Variants in CNTNAP2 observed in about 807,000 individuals in gnomAD.
CNTNAP2 encodes contactin associated protein 2.
In CNTNAP2, 98 loss-of-function variants were observed where a neutral mutation model predicts 155.2. The observed-to-expected ratio is 0.63, with a 90% CI of 0.54 to 0.75. The LOEUF (loss-of-function observed/expected upper bound fraction) is 0.75, where lower values mean the gene tolerates loss of function less well. Among genes scored for constraint, CNTNAP2 ranks in the 30% least tolerant of loss-of-function variants. The pLI is 0.00. For synonymous variants in CNTNAP2, 651 were observed against 631.2 expected (o/e 1.03, Z -0.47); for missense variants, 1,727 against 1,688.1 (o/e 1.02, Z -0.40).
intron 1 of CNTNAP2, among the ~76,000 whole-genome samples, chr7:146,739,025 T>C (rs1402719598): frequency 6.6e-6 from 1 of 151,970 alleles, no homozygotes; most frequent in East Asian, 1.9e-4. Context: ...TTTCTCTTTC[T>C]GCCTTTCTTA....
At chr7:148,167,049 C>G (rs1037213186) in intron 17 of CNTNAP2, among the ~76,000 whole-genome samples, 2 of 152,126 alleles carry the variant, frequency 1.3e-5, no homozygotes, top group Admixed American at 1.3e-4. Flanking sequence ...AAGAAAAGAG[C>G]CTAATTTATT....
chr7:147,941,885 AT>A (rs1023559814), intron 14 of CNTNAP2, among the ~76,000 whole-genome samples: 1 of 152,158 alleles, frequency 6.6e-6, no homozygotes, highest in Non-Finnish European at 1.5e-5. Context: ...TATTGCACAT[AT>A]TTACAGTCAG....
At chr7:146,768,559 A>G (rs948290672) in intron 1 of CNTNAP2, among the ~76,000 whole-genome samples, 2 of 151,864 alleles carry the variant, frequency 1.3e-5, no homozygotes, top group African/African-American at 4.8e-5. Flanking sequence ...ATGCAGGGTA[A>G]ATGTGCAGGT....
intron 13 of CNTNAP2, among the ~76,000 whole-genome samples, chr7:147,825,482 A>G (rs1798431970): frequency 6.6e-6 from 1 of 152,208 alleles, no homozygotes; most frequent in Non-Finnish European, 1.5e-5. Flanking sequence ...GTAATTCATT[A>G]TTATAAAAGT....
rs368549351 is a variant in CNTNAP2, at chr7:148,324,570, G to T, written c.3475+57444G>T. 9.2e-5 allele frequency among the ~76,000 whole-genome samples: 14 copies of T among 152,246 alleles called. No homozygotes were observed. In the East Asian group the frequency reaches 1.5e-3, roughly 17 times the overall value. ...CTCAACACTTTAGGAGGCCAAGGCG[G>T]TTGGGTCATTTGAGGTCAGGAGTTC... On this transcript the variant is annotated intron_variant, in intron 21 of 23. Coordinates refer to ENST00000361727, the MANE Select transcript of CNTNAP2 (RefSeq NM_014141.6).
At position 146,313,523 on chromosome 7, in the gene CNTNAP2, G is replaced by T. The variant is rs546323492; in HGVS notation, c.97+196550G>T. Among the ~76,000 whole-genome samples the T allele has an allele frequency of 2.6e-5, 4 of 152,114 alleles. No individual in the cohort carries two copies. In the East Asian group the frequency reaches 7.7e-4, roughly 29 times the overall value. On this transcript the variant is annotated intron_variant, in intron 1 of 23. Transcript: ENST00000361727. ...CTCTCTTCATCGAGTTGTTTCCTTT[G>T]CTATGCAGAAGCTGTTTAGTTTGAG...
At chr7:146,725,015 T>G (rs1801406860) in intron 1 of CNTNAP2, among the ~76,000 whole-genome samples, 1 of 152,230 alleles carries the variant, frequency 6.6e-6, no homozygotes, top group African/African-American at 2.4e-5. Flanking sequence ...AGGGTTGTTT[T>G]TTCTGGAGGT....
intron 3 of CNTNAP2, among the ~76,000 whole-genome samples, chr7:146,945,005 A>G (rs1584739523): frequency 6.6e-6 from 1 of 152,230 alleles, no homozygotes; most frequent in South Asian, 2.1e-4. Flanking sequence ...TTCTTTTTAT[A>G]TTTTTCTTCT....
At chr7:148,018,471 A>G (rs1387985847) in intron 15 of CNTNAP2, among the ~76,000 whole-genome samples, 1 of 152,232 alleles carries the variant, frequency 6.6e-6, no homozygotes, top group Admixed American at 6.5e-5. Flanking sequence ...TCAAAAACCA[A>G]GTACTAACAG....
intron 1 of CNTNAP2, among the ~76,000 whole-genome samples, chr7:146,504,768 C>CA (rs777716450): frequency 9.8e-4 from 149 of 152,228 alleles, no homozygotes; most frequent in Non-Finnish European, 1.2e-3. Flanking sequence ...AAGGCCACCC[C>CA]CAGGTAGAGC....
chr7:147,647,905 T>C lies in CNTNAP2; in HGVS notation c.2098+8599T>C, dbSNP rs182774736. Among the ~76,000 whole-genome samples the C allele has an allele frequency of 1.6e-3, 237 of 152,200 alleles. 1 individual carries two copies. The highest frequency in any genetic ancestry group is 0.01 in the Middle Eastern group (3 of 294). On this transcript the variant is annotated intron_variant, in intron 13 of 23. Coordinates refer to ENST00000361727, the MANE Select transcript of CNTNAP2 (RefSeq NM_014141.6). Reference sequence around the variant, plus strand: ...AAGCAAAAGCAAGAAAATTGAGGTATGGTGAATGGTGAGACATCCTAGAGA... The same window carrying C: ...AAGCAAAAGCAAGAAAATTGAGGTACGGTGAATGGTGAGACATCCTAGAGA...
Position 148,245,786 on chromosome 7 carries a change from T to TAC in CNTNAP2, c.3381+16022_3381+16023dup, listed in dbSNP as rs150201107. Among the ~76,000 whole-genome samples, 1,449 of 151,050 alleles carry TAC rather than the reference T, an allele frequency of 9.6e-3. 22 individuals are homozygous for TAC. Among genetic ancestry groups the TAC allele is most frequent in the African/African-American group, 0.033 (1,346 of 41,260 alleles). On this transcript the variant is annotated intron_variant, in intron 20 of 23. Transcript: ENST00000361727. ...GTGTTAGAGCCTTAATGCACATGGG[T>TAC]ACACACACACACACACTCAGTGCAC...
intron 13 of CNTNAP2, among the ~76,000 whole-genome samples, chr7:147,857,506 T>C (rs2116679644): frequency 1.3e-5 from 2 of 152,334 alleles, no homozygotes; most frequent in Middle Eastern, 6.8e-3. Flanking sequence ...TTGGCACTAA[T>C]CAGGTTCATC....
At chr7:146,412,205 C>T (rs939872943) in intron 1 of CNTNAP2, among the ~76,000 whole-genome samples, 8 of 152,146 alleles carry the variant, frequency 5.3e-5, no homozygotes, top group African/African-American at 1.7e-4. Flanking sequence ...CCCTGCAGGT[C>T]GGCTCCTGTT....
chr7:147,341,960 T>G (rs1271387275), intron 9 of CNTNAP2, among the ~76,000 whole-genome samples: 1 of 152,182 alleles, frequency 6.6e-6, no homozygotes, highest in Non-Finnish European at 1.5e-5. Flanking sequence ...ATCAAACATT[T>G]ATTTCTCACA....
intron 8 of CNTNAP2, among the ~76,000 whole-genome samples, chr7:147,210,792 T>C (rs962342123): frequency 1.3e-5 from 2 of 151,954 alleles, no homozygotes; most frequent in Admixed American, 6.6e-5. Flanking sequence ...ATTTATTTTT[T>C]AAAAATGTAT....
At position 146,407,216 on chromosome 7, in the gene CNTNAP2, C is replaced by A. The variant is rs1201870755; in HGVS notation, c.97+290243C>A. Among the ~76,000 whole-genome samples, 7 of 151,940 alleles carry A rather than the reference C, an allele frequency of 4.6e-5. No homozygotes were observed. The East Asian group carries it at 1.3e-3, about 29-fold the overall frequency. ...ATAACTTTATTATTTCCAGGAATAC[C>A]AAAATAATTGGTATTTATACTTAAT... On this transcript the variant is annotated intron_variant, in intron 1 of 23. Coordinates refer to ENST00000361727, the MANE Select transcript of CNTNAP2 (RefSeq NM_014141.6).
chr7:146,417,540 A>T (rs949249043), intron 1 of CNTNAP2, among the ~76,000 whole-genome samples: 3 of 152,110 alleles, frequency 2.0e-5, no homozygotes, highest in Admixed American at 1.3e-4. Flanking sequence ...TCAAATATAG[A>T]CTGTTTACTT....
At chr7:146,482,095 T>G (rs1276332036) in intron 1 of CNTNAP2, among the ~76,000 whole-genome samples, 2 of 149,842 alleles carry the variant, frequency 1.3e-5, no homozygotes, top group Non-Finnish European at 3.0e-5. Flanking sequence ...AAAAATTGAG[T>G]TAGTCAAAGC....
Sources: gnomAD v4.1 joint callset for allele counts (sites outside exome capture counted in the v4.1 genomes callset) on GRCh38, gnomAD v4.1.1 for gene constraint, MANE v1.5 for transcripts, NCBI Gene and HGNC (gene_info 2026-07-23, HGNC 2026-07-21) for gene names.